SYN3: variants seen among roughly 807,000 people sequenced by gnomAD.
SYN3 encodes the protein synapsin III, also known as synapsin-3.
A neutral mutation model predicts 65.8 loss-of-function variants in SYN3; 35 were observed. The ratio of observed to expected loss-of-function variants is 0.53; its 90% confidence interval spans 0.41 to 0.70. The LOEUF is 0.70. Ranked by LOEUF, SYN3 falls within the 30% of genes least tolerant of loss-of-function variation. The pLI, the probability that SYN3 is intolerant of heterozygous loss-of-function variation, is 0.00. For synonymous variants in SYN3, 270 were observed against 292.9 expected (o/e 0.92, Z 0.80); for missense variants, 680 against 749.0 (o/e 0.91, Z 1.08).
intron 6 of SYN3, among the ~76,000 whole-genome samples, chr22:32,634,607 G>T (rs895712987): frequency 1.3e-5 from 2 of 152,168 alleles, no homozygotes; most frequent in Non-Finnish European, 2.9e-5. Context: ...TCCCTGCGAG[G>T]GGTTTCATGG....
chr22:32,641,049 G>A (rs5998562), intron 6 of SYN3, among the ~76,000 whole-genome samples: 25,888 of 152,168 alleles, frequency 0.17, 2,442 homozygotes, highest in Non-Finnish European at 0.21. Flanking sequence ...CAGCAAAACG[G>A]GGGTGACCAA....
intron 7 of SYN3, among the ~76,000 whole-genome samples, chr22:32,576,156 T>C (rs1230021074): frequency 1.3e-5 from 2 of 152,102 alleles, no homozygotes; most frequent in African/African-American, 2.4e-5. Context: ...CACCCACATA[T>C]CCACAGGGCT....
intron 6 of SYN3, among the ~76,000 whole-genome samples, chr22:32,845,472 G>A (rs1477569999): frequency 2.6e-5 from 4 of 152,130 alleles, no homozygotes; most frequent in African/African-American, 7.2e-5. Flanking sequence ...TTACAGTGGT[G>A]AGCCTCCACA....
intron 6 of SYN3, among the ~76,000 whole-genome samples, chr22:32,772,792 G>A (rs142777929): frequency 2.1e-4 from 30 of 143,430 alleles, no homozygotes; most frequent in Non-Finnish European, 3.8e-4. Context: ...AGAGGCAAGA[G>A]AGGGACTCTC....
chr22:32,976,747 G>A (rs1407724504), intron 3 of SYN3, among the ~76,000 whole-genome samples: 1 of 152,194 alleles, frequency 6.6e-6, no homozygotes, highest in Non-Finnish European at 1.5e-5. Flanking sequence ...TCCTGGCTCT[G>A]TAAAAGTTGA....
Position 32,980,699 on chromosome 22 carries a change from C to T in SYN3, c.315G>A (p.Ser105=), listed in dbSNP as rs566493166. The change falls in exon 3 of 14, where the codon TCG becomes TCA. Residue 105 remains serine (S), a synonymous_variant. Transcript: ENST00000358763. The part of the protein sequence containing the change: ...LVIDDAHTDW[S]KYFHGKKVNG... ...TCACCTTCTTCCCATGGAAATACTT[C>T]GACCTGTAAAGGGGAAGAAATCAGC... 19 of 1,613,854 alleles carry T rather than the reference C, an allele frequency of 1.2e-5. No homozygotes were observed. In the East Asian group the frequency reaches 1.8e-4, roughly 15 times the overall value.
At chr22:32,967,587 C>G (rs918644021) in intron 3 of SYN3, among the ~76,000 whole-genome samples, 1 of 152,230 alleles carries the variant, frequency 6.6e-6, no homozygotes, top group African/African-American at 2.4e-5. Context: ...TTTAGCATAA[C>G]AGCCAGACAG....
intron 2 of SYN3, among the ~76,000 whole-genome samples, chr22:33,003,688 T>G (rs2053125809): frequency 6.6e-6 from 1 of 152,106 alleles, no homozygotes; most frequent in East Asian, 1.9e-4. Context: ...CCTGACAATG[T>G]GATAGAAAAG....
intron 1 of SYN3, among the ~76,000 whole-genome samples, chr22:33,049,676 G>A (rs2054127574): frequency 1.3e-5 from 2 of 152,170 alleles, no homozygotes; most frequent in African/African-American, 4.8e-5. Context: ...TAGTCGGGAA[G>A]ACAAAGAACA....
chr22:32,892,244 TGAG>T (rs1486742388), intron 4 of SYN3, among the ~76,000 whole-genome samples: 1 of 152,038 alleles, frequency 6.6e-6, no homozygotes, highest in Non-Finnish European at 1.5e-5. Flanking sequence ...TGCAGTGAGC[TGAG>T]ATCACGCCAC....
chr22:32,817,887 C>A (rs972313572), intron 6 of SYN3, among the ~76,000 whole-genome samples: 1 of 152,164 alleles, frequency 6.6e-6, no homozygotes, highest in Non-Finnish European at 1.5e-5. Context: ...GTCCCCTGGT[C>A]GTCTGGGCCA....
At chr22:33,040,397 A>C (rs146752680) in intron 1 of SYN3, among the ~76,000 whole-genome samples, 111 of 152,196 alleles carry the variant, frequency 7.3e-4, no homozygotes, top group African/African-American at 2.4e-3. Context: ...CCTAGCTCAA[A>C]CATGCATCAT....
At chr22:33,028,697 G>GTGGTGGTGGTGGTGA (rs2053690289) in intron 1 of SYN3, among the ~76,000 whole-genome samples, 11 of 123,852 alleles carry the variant, frequency 8.9e-5, no homozygotes, top group South Asian at 5.1e-4. Context: ...GGTGATGGTG[G>GTGGTGGTGGTGGTGA]TGGTGGTGGT....
At chr22:32,822,155 C>CAAA (rs35312009) in intron 6 of SYN3, among the ~76,000 whole-genome samples, 7 of 108,260 alleles carry the variant, frequency 6.5e-5, no homozygotes, top group East Asian at 2.5e-4. Context: ...AACTCCATCT[C>CAAA]AAAAAAAAAA....
At chr22:32,624,585 G>A (rs1484744452) in intron 6 of SYN3, among the ~76,000 whole-genome samples, 1 of 152,190 alleles carries the variant, frequency 6.6e-6, no homozygotes, top group Non-Finnish European at 1.5e-5. Context: ...GATTGTTGGT[G>A]CCCTGCACCA....
chr22:32,965,523 G>A (rs2051802789), intron 3 of SYN3, among the ~76,000 whole-genome samples: 1 of 150,784 alleles, frequency 6.6e-6, no homozygotes. Context: ...GCTTCTAACA[G>A]TTTGTAATTA....
At chr22:32,560,856 C>T (rs986253971) in intron 7 of SYN3, among the ~76,000 whole-genome samples, 1 of 152,132 alleles carries the variant, frequency 6.6e-6, no homozygotes, top group Non-Finnish European at 1.5e-5. Flanking sequence ...ATAGAATCCC[C>T]ATGAGAAGGG....
intron 6 of SYN3, among the ~76,000 whole-genome samples, chr22:32,776,965 C>T (rs1286630683): frequency 6.6e-6 from 1 of 152,142 alleles, no homozygotes; most frequent in Non-Finnish European, 1.5e-5. Context: ...ACAGATGTTA[C>T]CACCCAGAAC....
At chr22:32,592,403 C>T (rs547031426) in intron 7 of SYN3, among the ~76,000 whole-genome samples, 7 of 152,332 alleles carry the variant, frequency 4.6e-5, no homozygotes, top group East Asian at 1.9e-4. Flanking sequence ...CCCATGAATA[C>T]GGACCACTGT....
Sources: allele counts gnomAD v4.1 joint callset (sites outside exome capture counted in the v4.1 genomes callset), GRCh38; gene constraint gnomAD v4.1.1; transcripts MANE v1.5; gene names NCBI Gene and HGNC (gene_info 2026-07-23, HGNC 2026-07-21).